The following DNAJB6 variants were observed in gnomAD, a reference collection of about 807,000 sequenced individuals.
DNAJB6 encodes the protein DnaJ heat shock protein family (Hsp40) member B6.
A neutral mutation model predicts 42.7 loss-of-function variants in DNAJB6; 16 were observed. The observed-to-expected ratio is 0.37, with a 90% CI of 0.25 to 0.57. DNAJB6 has a LOEUF of 0.57. Ranked by LOEUF, DNAJB6 falls within the 20% of genes least tolerant of loss-of-function variation. The probability of loss-of-function intolerance (pLI) is 0.74; values close to 1 mark genes in which losing one functional copy is unlikely to be tolerated. For missense variants in DNAJB6, 347 were observed against 416.8 expected (o/e 0.83, Z 1.46); for synonymous variants, 170 against 163.5 (o/e 1.04, Z -0.30).
chr7:157,346,235 A>G (rs994726650), intron 1 of DNAJB6, among the ~76,000 whole-genome samples: 11 of 148,534 alleles, frequency 7.4e-5, no homozygotes, highest in African/African-American at 2.2e-4. Context: ...TAAGAAATGA[A>G]TCCATGTATT....
At chr7:157,354,065 C>G (rs1438227073) in intron 1 of DNAJB6, among the ~76,000 whole-genome samples, 1 of 152,182 alleles carries the variant, frequency 6.6e-6, no homozygotes, top group African/African-American at 2.4e-5. Context: ...TTGACCTGTA[C>G]TTTATAGCTG....
At chr7:157,358,444 G>T in intron 1 of DNAJB6, 103 bp from the exon 2 acceptor site, 4 of 708,194 alleles carry the variant, frequency 5.6e-6, no homozygotes, top group Middle Eastern at 4.0e-4. Flanking sequence ...GCCAGTAGGT[G>T]CTAAGGTGAC....
chr7:157,354,154 T>C (rs544121495), intron 1 of DNAJB6, among the ~76,000 whole-genome samples: 11 of 152,352 alleles, frequency 7.2e-5, no homozygotes, highest in Non-Finnish European at 1.0e-4. Flanking sequence ...TTTGTTTTTT[T>C]CGACTTTTTT....
intron 6 of DNAJB6, among the ~76,000 whole-genome samples, chr7:157,383,796 C>T (rs1441210567): frequency 1.3e-5 from 2 of 152,092 alleles, no homozygotes; most frequent in African/African-American, 4.8e-5. Context: ...CGGAGATCAG[C>T]AGGAGTGTGA....
chr7:157,386,166 C>G (rs2117096481), intron 8 of DNAJB6: 1 of 963,282 alleles, frequency 1.0e-6, no homozygotes, highest in Admixed American at 6.2e-5. Context: ...TGAATGCTGG[C>G]AACTTAGTAA....
chr7:157,341,893 G>A (rs1406658045), intron 1 of DNAJB6, among the ~76,000 whole-genome samples: 2 of 152,206 alleles, frequency 1.3e-5, no homozygotes, highest in Non-Finnish European at 2.9e-5. Flanking sequence ...TTATTTTAGA[G>A]TCTCACACTG....
At chr7:157,388,582 CTTT>C (rs1031216011) in intron 8 of DNAJB6, among the ~76,000 whole-genome samples, 1 of 145,186 alleles carries the variant, frequency 6.9e-6, no homozygotes, top group Non-Finnish European at 1.5e-5. Context: ...GTTTGAGATT[CTTT>C]TTTAAGTTTT....
intron 5 of DNAJB6, among the ~76,000 whole-genome samples, chr7:157,367,836 G>GC (rs1235460681): frequency 6.6e-6 from 1 of 151,924 alleles, no homozygotes; most frequent in Non-Finnish European, 1.5e-5. Context: ...TGTTGTCTGG[G>GC]CAACAAGAGT....
chr7:157,371,942 A>T (rs1584913290), intron 5 of DNAJB6, among the ~76,000 whole-genome samples: 2 of 152,290 alleles, frequency 1.3e-5, no homozygotes, highest in East Asian at 3.9e-4. Flanking sequence ...GAGGCCTTTT[A>T]TTTTAGCAGT....
intron 1 of DNAJB6, among the ~76,000 whole-genome samples, chr7:157,349,667 C>T (rs1002690819): frequency 2.6e-5 from 4 of 151,904 alleles, no homozygotes; most frequent in Non-Finnish European, 4.4e-5. Context: ...TTTTTTGAGA[C>T]GGAGTCTCAC....
At chr7:157,373,888 C>T (rs1391174376) in intron 5 of DNAJB6, among the ~76,000 whole-genome samples, 1 of 152,096 alleles carries the variant, frequency 6.6e-6, no homozygotes, top group Non-Finnish European at 1.5e-5. Flanking sequence ...CACATAAAAA[C>T]ATCACATACT....
chr7:157,357,318 CCTT>C, intron 1 of DNAJB6, among the ~76,000 whole-genome samples: 1 of 32,708 alleles, frequency 3.1e-5, no homozygotes, highest in Non-Finnish European at 8.0e-5. Context: ...TTCCTTCCTT[CCTT>C]CCTCGTTCCG....
chr7:157,372,582 G>A (rs1242393982), intron 5 of DNAJB6, among the ~76,000 whole-genome samples: 1 of 152,154 alleles, frequency 6.6e-6, no homozygotes, highest in African/African-American at 2.4e-5. Context: ...TTGGTCAGAC[G>A]ACCTCAGCTG....
At chr7:157,342,767 A>G (rs540632428) in intron 1 of DNAJB6, among the ~76,000 whole-genome samples, 11 of 152,118 alleles carry the variant, frequency 7.2e-5, no homozygotes, top group African/African-American at 2.7e-4. Flanking sequence ...ATGATTTTTT[A>G]ATGAAAGGGA....
chr7:157,352,018 CAAAA>C (rs959292435), intron 1 of DNAJB6, among the ~76,000 whole-genome samples: 4 of 150,358 alleles, frequency 2.7e-5, no homozygotes, highest in Non-Finnish European at 4.4e-5. Context: ...AACAAACAAA[CAAAA>C]AAACAAAACT....
intron 8 of DNAJB6, among the ~76,000 whole-genome samples, chr7:157,401,227 C>CT (rs963838440): frequency 3.3e-4 from 50 of 151,218 alleles, no homozygotes; most frequent in African/African-American, 1.0e-3. Flanking sequence ...TTTCTTTTTT[C>CT]TTTTTTTTTG....
intron 8 of DNAJB6, among the ~76,000 whole-genome samples, chr7:157,388,641 G>T (rs10225231): frequency 5.3e-5 from 8 of 150,070 alleles, no homozygotes; most frequent in Admixed American, 3.3e-4. Context: ...TAGCTTTTGG[G>T]GGGGGGGTAA....
At chr7:157,389,131 G>GAACAA (rs1240234884) in intron 8 of DNAJB6, among the ~76,000 whole-genome samples, 1 of 152,180 alleles carries the variant, frequency 6.6e-6, no homozygotes, top group Non-Finnish European at 1.5e-5. Context: ...AACGCTTGAG[G>GAACAA]AACACTGTGG....
intron 5 of DNAJB6, chr7:157,369,453 G>C (rs1437180841): frequency 4.4e-6 from 2 of 456,104 alleles, no homozygotes; most frequent in Non-Finnish European, 8.8e-6. Flanking sequence ...CAACACCATG[G>C]CTTCTCTTCT....
Sources: allele counts gnomAD v4.1 joint callset (sites outside exome capture counted in the v4.1 genomes callset), GRCh38; gene constraint gnomAD v4.1.1; transcripts MANE v1.5; gene names NCBI Gene and HGNC (gene_info 2026-07-23, HGNC 2026-07-21).